TMEFF2: variants seen among roughly 807,000 people sequenced by gnomAD.
The protein encoded by TMEFF2 is transmembrane protein with EGF like and two follistatin like domains 2, also known as tomoregulin-2.
A neutral mutation model predicts 53.8 loss-of-function variants in TMEFF2; 28 were observed. The ratio of observed to expected loss-of-function variants is 0.52; its 90% CI spans 0.39 to 0.71. The LOEUF is 0.71. Among genes scored for constraint, TMEFF2 ranks in the 30% least tolerant of loss-of-function variants. TMEFF2 has a pLI of 0.00. For missense variants in TMEFF2, 353 were observed against 455.2 expected (o/e 0.78, Z 2.04); for synonymous variants, 162 against 166.3 (o/e 0.97, Z 0.20).
chr2:192,189,555 C>CAAAAAAAAAAAAAAAAAAAAAA (rs58455898), intron 2 of TMEFF2, among the ~76,000 whole-genome samples: 2 of 41,106 alleles, frequency 4.9e-5, no homozygotes, highest in Non-Finnish European at 4.5e-5. Flanking sequence ...CCAAAAATTC[C>CAAAAAAAAAAAAAAAAAAAAAA]AAAAAAAAAA....
intron 7 of TMEFF2, among the ~76,000 whole-genome samples, chr2:191,965,237 T>C (rs537290065): frequency 3.0e-4 from 46 of 152,256 alleles, no homozygotes; most frequent in Non-Finnish European, 5.7e-4. Flanking sequence ...CAGATCCTTC[T>C]CCCACTTCCT....
At chr2:192,051,501 A>G (rs886635389) in intron 5 of TMEFF2, among the ~76,000 whole-genome samples, 1 of 152,162 alleles carries the variant, frequency 6.6e-6, no homozygotes, top group Non-Finnish European at 1.5e-5. Context: ...TTTTTGTTCA[A>G]TTGTCAACCA....
chr2:192,009,893 A>G (rs1055387561), intron 5 of TMEFF2, among the ~76,000 whole-genome samples: 2 of 152,198 alleles, frequency 1.3e-5, no homozygotes, highest in Non-Finnish European at 2.9e-5. Context: ...GTACTTTATC[A>G]TTTAAAATAA....
chr2:192,050,008 C>G (rs1273665736), intron 5 of TMEFF2, among the ~76,000 whole-genome samples: 2 of 151,800 alleles, frequency 1.3e-5, no homozygotes, highest in Non-Finnish European at 2.9e-5. Flanking sequence ...CTCAAACAAA[C>G]AAACAAAAAA....
chr2:192,107,480 G>A (rs555706720), intron 4 of TMEFF2, among the ~76,000 whole-genome samples: 15 of 151,720 alleles, frequency 9.9e-5, no homozygotes, highest in East Asian at 1.9e-4. Flanking sequence ...TACCATGAAC[G>A]TCAGTGTAAA....
intron 4 of TMEFF2, among the ~76,000 whole-genome samples, chr2:192,080,063 T>C (rs1380044394): frequency 6.6e-6 from 1 of 152,194 alleles, no homozygotes; most frequent in Non-Finnish European, 1.5e-5. Flanking sequence ...TAATTTACTA[T>C]CAATGTAAAT....
intron 7 of TMEFF2, among the ~76,000 whole-genome samples, chr2:191,990,763 G>GGTGTGTGT (rs34545329): frequency 5.9e-5 from 8 of 134,706 alleles, no homozygotes; most frequent in African/African-American, 2.2e-4. Context: ...CTCTTTGCGG[G>GGTGTGTGT]GTGTGTGTGT....
chr2:192,170,238 C>A (rs1416305669), intron 4 of TMEFF2, among the ~76,000 whole-genome samples: 1 of 151,990 alleles, frequency 6.6e-6, no homozygotes, highest in Admixed American at 6.6e-5. Flanking sequence ...CAACGAGTTG[C>A]CACCACTACC....
chr2:192,157,545 A>G (rs1690535502), intron 4 of TMEFF2, among the ~76,000 whole-genome samples: 1 of 152,094 alleles, frequency 6.6e-6, no homozygotes, highest in Admixed American at 6.6e-5. Context: ...CGTTTCTGAA[A>G]TGATGTCTCC....
At chr2:192,128,257 A>C (rs757687526) in intron 4 of TMEFF2, among the ~76,000 whole-genome samples, 1 of 152,210 alleles carries the variant, frequency 6.6e-6, no homozygotes, top group Non-Finnish European at 1.5e-5. Context: ...AGTTTTTCCA[A>C]ATCTACTTTT....
chr2:192,124,302 A>C (rs1161709561), intron 4 of TMEFF2, among the ~76,000 whole-genome samples: 1 of 152,192 alleles, frequency 6.6e-6, no homozygotes, highest in Non-Finnish European at 1.5e-5. Context: ...GCTCTATTCA[A>C]TTTATGGTTT....
At chr2:192,034,048 G>A (rs969699199) in intron 5 of TMEFF2, among the ~76,000 whole-genome samples, 2 of 151,814 alleles carry the variant, frequency 1.3e-5, no homozygotes, top group Non-Finnish European at 2.9e-5. Context: ...GGTGGCAAGC[G>A]CCTGTAGTCC....
At chr2:192,179,745 A>C in intron 3 of TMEFF2, 51 bp from the exon 4 acceptor site, 1 of 1,491,610 alleles carries the variant, frequency 6.7e-7, no homozygotes, top group Non-Finnish European at 8.9e-7. Flanking sequence ...AAAAATATTT[A>C]TGACTTTTTA....
At chr2:192,100,933 C>T (rs917752068) in intron 4 of TMEFF2, among the ~76,000 whole-genome samples, 8 of 152,094 alleles carry the variant, frequency 5.3e-5, no homozygotes, top group African/African-American at 1.9e-4. Context: ...TATATTACTC[C>T]TTTATGGAGA....
chr2:191,999,244 A>G (rs765347419), intron 5 of TMEFF2, 36 bp from the exon 6 acceptor site: 10 of 1,514,060 alleles, frequency 6.6e-6, no homozygotes, highest in Non-Finnish European at 9.0e-6. Flanking sequence ...TGTAACATCA[A>G]TAGTGTTGTT....
At chr2:192,162,380 A>T (rs1690655287) in intron 4 of TMEFF2, among the ~76,000 whole-genome samples, 1 of 152,180 alleles carries the variant, frequency 6.6e-6, no homozygotes, top group Non-Finnish European at 1.5e-5. Flanking sequence ...CTCCACATTA[A>T]GCTATCTGAA....
chr2:192,023,104 T>G (rs961688739), intron 5 of TMEFF2, among the ~76,000 whole-genome samples: 2 of 152,184 alleles, frequency 1.3e-5, no homozygotes, highest in Non-Finnish European at 2.9e-5. Context: ...TTATGCTATT[T>G]TCTGTTTTCT....
At chr2:192,182,954 T>C (rs1226184445) in intron 3 of TMEFF2, among the ~76,000 whole-genome samples, 1 of 151,994 alleles carries the variant, frequency 6.6e-6, no homozygotes, top group Non-Finnish European at 1.5e-5. Flanking sequence ...GTCCTCCTCC[T>C]TTCCTATTGG....
intron 5 of TMEFF2, chr2:192,034,547 T>C (rs1341512157): frequency 6.6e-6 from 1 of 152,240 alleles, no homozygotes; most frequent in Non-Finnish European, 1.5e-5. Context: ...TTCTGCTTTA[T>C]TCTTGTAAGC....
Sources: gnomAD v4.1 joint callset for allele counts (sites outside exome capture counted in the v4.1 genomes callset) on GRCh38, gnomAD v4.1.1 for gene constraint, MANE v1.5 for transcripts, NCBI Gene and HGNC (gene_info 2026-07-23, HGNC 2026-07-21) for gene names.